NCEH1: variants seen among roughly 807,000 people sequenced by gnomAD.
NCEH1 encodes 2-acetyl MAGE hydrolase.
NCEH1 carries 9 observed loss-of-function variants against 25.4 expected under a neutral mutation model. The ratio of observed to expected loss-of-function variants is 0.35; its 90% CI spans 0.21 to 0.62. The LOEUF (loss-of-function observed/expected upper bound fraction) is 0.62. NCEH1 is among the 20% of genes least tolerant of loss of function. The pLI, the probability that NCEH1 is intolerant of heterozygous loss-of-function variation, is 0.72. For missense variants in NCEH1, 412 were observed against 501.1 expected, an observed-to-expected ratio of 0.82 and a Z score of 1.70; for synonymous variants, 200 against 199.8, an observed-to-expected ratio of 1.00 and a Z score of -0.01.
chr3:172,656,669 C>T (rs915921441), intron 1 of NCEH1, among the ~76,000 whole-genome samples: 4 of 151,956 alleles, frequency 2.6e-5, no homozygotes, highest in East Asian at 1.9e-4. Context: ...GGGAGGCTGA[C>T]GCAGGAGAAT....
At position 172,710,992 on chromosome 3, in the gene NCEH1, T is replaced by TC; in HGVS notation, c.-9_-8insG. ...GACACAGGACGACCTCATCTTGCCC[T>TC]GGCTCGGCTCGCCAGCGGGCTGGCA... On this transcript the variant is annotated 5_prime_UTR_variant, in exon 1 of 5. Transcript: ENST00000475381. 6.2e-7 allele frequency: 1 copy of TC among 1,613,688 alleles called. No homozygotes were observed.
chr3:172,666,302 T>C (rs1048099060), intron 1 of NCEH1, among the ~76,000 whole-genome samples: 2 of 152,214 alleles, frequency 1.3e-5, no homozygotes, highest in Non-Finnish European at 2.9e-5. Context: ...CATGGCAACC[T>C]GCATTTGCAT....
chr3:172,639,058 G>A (rs1475467483), intron 3 of NCEH1, among the ~76,000 whole-genome samples: 1 of 152,044 alleles, frequency 6.6e-6, no homozygotes, highest in Admixed American at 6.6e-5. Context: ...TCCAGCACCT[G>A]GGGAGGCCAA....
chr3:172,680,673 C>T (rs1233008203), intron 1 of NCEH1: 2 of 142,388 alleles, frequency 1.4e-5, no homozygotes, highest in South Asian at 4.5e-4. Flanking sequence ...ACAGGCCCCC[C>T]CCCCTCCATC....
intron 1 of NCEH1, among the ~76,000 whole-genome samples, chr3:172,680,101 G>A (rs1306221664): frequency 1.2e-4 from 18 of 152,148 alleles, no homozygotes; most frequent in Admixed American, 1.2e-3. Context: ...AGAACATCTG[G>A]GGCAGACCCA....
At chr3:172,683,435 G>A (rs111327744) in intron 1 of NCEH1, among the ~76,000 whole-genome samples, 7 of 150,326 alleles carry the variant, frequency 4.7e-5, no homozygotes, top group Non-Finnish European at 8.9e-5. Context: ...AAAAAGAAGC[G>A]GAGGCAGGAG....
intron 3 of NCEH1, among the ~76,000 whole-genome samples, chr3:172,637,081 A>G (rs936418780): frequency 6.6e-6 from 1 of 152,132 alleles, no homozygotes. Flanking sequence ...ATTGGCTCAT[A>G]TGAAAATTAT....
chr3:172,634,173 G>A (rs1716503667), intron 4 of NCEH1, 81 bp from the exon 5 acceptor site: 1 of 1,286,518 alleles, frequency 7.8e-7, no homozygotes, highest in Non-Finnish European at 1.1e-6. Context: ...GTAGCTTCAT[G>A]TGTTACTCTG....
chr3:172,693,203 T>C (rs1210185032), intron 1 of NCEH1, among the ~76,000 whole-genome samples: 1 of 152,236 alleles, frequency 6.6e-6, no homozygotes, highest in African/African-American at 2.4e-5. Context: ...AAATGTCTGC[T>C]GAAAATATGC....
chr3:172,677,374 T>G (rs892920022), intron 1 of NCEH1, among the ~76,000 whole-genome samples: 1 of 152,242 alleles, frequency 6.6e-6, no homozygotes, highest in Non-Finnish European at 1.5e-5. Flanking sequence ...ATTCAGATGA[T>G]AATAAATTAA....
chr3:172,675,331 A>AAATTAATTAATTAATT (rs1553835615), intron 1 of NCEH1, among the ~76,000 whole-genome samples: 49 of 150,476 alleles, frequency 3.3e-4, no homozygotes, highest in African/African-American at 1.1e-3. Flanking sequence ...ATAAATAAAT[A>AAATTAATTAATTAATT]AATAAATAAA....
chr3:172,701,623 T>TTG (rs1713696648), intron 1 of NCEH1, among the ~76,000 whole-genome samples: 1 of 147,124 alleles, frequency 6.8e-6, no homozygotes, highest in Non-Finnish European at 1.5e-5. Flanking sequence ...CTAGTTTTTT[T>TTG]TTTTTTTTTT....
intron 3 of NCEH1, among the ~76,000 whole-genome samples, chr3:172,641,699 A>T (rs943986201): frequency 3.3e-5 from 5 of 152,126 alleles, no homozygotes; most frequent in African/African-American, 1.2e-4. Flanking sequence ...TGTTTTCCTC[A>T]GTCGTCCCTC....
At chr3:172,682,263 T>A (rs997885961) in intron 1 of NCEH1, among the ~76,000 whole-genome samples, 4 of 152,212 alleles carry the variant, frequency 2.6e-5, no homozygotes, top group African/African-American at 9.6e-5. Context: ...CATGTTGACT[T>A]ATGATTAACC....
intron 3 of NCEH1, among the ~76,000 whole-genome samples, chr3:172,644,183 GGTGACTCTAGGGCTTTTGA>G (rs71179997): frequency 1.2e-4 from 11 of 89,580 alleles, no homozygotes; most frequent in East Asian, 3.6e-4. Flanking sequence ...AGGGCTTTGG[GGTGACTCTAGGGCTTTTGA>G]GTGACTCTAG....
rs1716390662 is a variant in NCEH1, at chr3:172,632,267, T to C, written c.*1208A>G. The C allele has an allele frequency of 6.6e-6, 1 of 152,268 alleles. No individual in the cohort carries two copies. The highest frequency in any genetic ancestry group is 2.4e-5 in the African/African-American group (1 of 41,460). The allele number at this position is 152,268 out of a possible 1,614,324, so 9.4% of individuals were successfully genotyped here. A position where few individuals can be genotyped will look rare whatever the true frequency, so the allele number is the denominator to read the frequency against. ...TATGCCTATGTTATAGTAGTATTAA[T>C]AGCTGTTATATCATTTCCACAAAAT... On this transcript the variant is annotated 3_prime_UTR_variant, in exon 5 of 5. Transcript: ENST00000475381.
At chr3:172,659,527 T>C (rs1015497343) in intron 1 of NCEH1, among the ~76,000 whole-genome samples, 1 of 152,118 alleles carries the variant, frequency 6.6e-6, no homozygotes, top group African/African-American at 2.4e-5. Flanking sequence ...GCACCCTCCT[T>C]GGTGTCTGTG....
At chr3:172,635,120 C>CA (rs1716542506) in intron 4 of NCEH1, among the ~76,000 whole-genome samples, 1 of 152,194 alleles carries the variant, frequency 6.6e-6, no homozygotes, top group South Asian at 2.1e-4. Flanking sequence ...TGTCTGGCTT[C>CA]AAAGCCAAGA....
chr3:172,657,068 C>T (rs750220867), intron 1 of NCEH1, among the ~76,000 whole-genome samples: 23 of 152,130 alleles, frequency 1.5e-4, no homozygotes, highest in Non-Finnish European at 2.5e-4. Flanking sequence ...TTCTTACACT[C>T]CTGACCACTG....
Sources: allele counts gnomAD v4.1 joint callset (sites outside exome capture counted in the v4.1 genomes callset), GRCh38; gene constraint gnomAD v4.1.1; transcripts MANE v1.5; gene names NCBI Gene and HGNC (gene_info 2026-07-23, HGNC 2026-07-21).